The following KPNA1 variants were observed in gnomAD, a reference collection of about 807,000 sequenced individuals.
The protein encoded by KPNA1 is karyopherin subunit alpha 1, also known as importin subunit alpha-5.
KPNA1 carries 10 observed loss-of-function variants against 70.5 expected under a neutral mutation model. That is an observed-to-expected ratio of 0.14 (90% confidence interval 0.09 to 0.24). The LOEUF is 0.24. KPNA1 is among the 10% of genes least tolerant of loss of function. The probability of loss-of-function intolerance (pLI) is 1.00; values close to 1 mark genes in which losing one functional copy is unlikely to be tolerated. For synonymous variants in KPNA1, 192 were observed against 221.9 expected, an observed-to-expected ratio of 0.87 and a Z score of 1.20; for missense variants, 397 against 637.9, an observed-to-expected ratio of 0.62 and a Z score of 4.07.
chr3:122,434,059 C>G (rs1023557017), intron 11 of KPNA1, among the ~76,000 whole-genome samples: 3 of 152,130 alleles, frequency 2.0e-5, no homozygotes, highest in African/African-American at 7.2e-5. Flanking sequence ...GCCTCAGCCT[C>G]CCGGGTAGCT....
At chr3:122,513,786 G>A (rs1334395075) in intron 1 of KPNA1, among the ~76,000 whole-genome samples, 1 of 152,120 alleles carries the variant, frequency 6.6e-6, no homozygotes, top group Non-Finnish European at 1.5e-5. Context: ...ACTCTGCAGA[G>A]CTGGGTGTGG....
At chr3:122,507,824 A>C (rs2076907886) in intron 1 of KPNA1, among the ~76,000 whole-genome samples, 2 of 152,126 alleles carry the variant, frequency 1.3e-5, no homozygotes, top group African/African-American at 4.8e-5. Context: ...GTAGTAAAAA[A>C]ATTTTTAATC....
intron 2 of KPNA1, among the ~76,000 whole-genome samples, chr3:122,469,613 T>C (rs954542657): frequency 2.0e-5 from 3 of 152,194 alleles, no homozygotes; most frequent in African/African-American, 7.2e-5. Flanking sequence ...CTGCATCTTG[T>C]TATTGGGCCA....
In KPNA1 at chr3:122,492,161, G is replaced by A. The variant is rs566266629; in HGVS notation, c.129+4276C>T. Among the ~76,000 whole-genome samples, 39 of 152,206 alleles carry A rather than the reference G, an allele frequency of 2.6e-4. 1 individual carries two copies. The highest frequency in any genetic ancestry group is 8.7e-4 in the African/African-American group (36 of 41,526). On this transcript the variant is annotated intron_variant, in intron 2 of 13. Coordinates refer to ENST00000344337, the MANE Select transcript of KPNA1 (RefSeq NM_002264.4). Reference sequence around the variant, plus strand: ...AGGCGTGAGCCACCGTGCCCGGCCCGACCATCACATTTTAACTATGCTTTC... The same window carrying A: ...AGGCGTGAGCCACCGTGCCCGGCCCAACCATCACATTTTAACTATGCTTTC...
At chr3:122,507,736 T>C (rs2076906541) in intron 1 of KPNA1, among the ~76,000 whole-genome samples, 1 of 151,892 alleles carries the variant, frequency 6.6e-6, no homozygotes, top group Admixed American at 6.6e-5. Context: ...TATCTAAAAG[T>C]TGAATGATTT....
intron 10 of KPNA1, among the ~76,000 whole-genome samples, chr3:122,441,398 GA>G (rs2076060213): frequency 1.3e-5 from 2 of 152,132 alleles, no homozygotes; most frequent in South Asian, 4.2e-4. Flanking sequence ...AGCTATCAGA[GA>G]AGGTGATATT....
chr3:122,462,286 A>G (rs932987451), intron 4 of KPNA1, among the ~76,000 whole-genome samples: 5 of 152,354 alleles, frequency 3.3e-5, no homozygotes, highest in African/African-American at 1.2e-4. Flanking sequence ...GCAATTTTTA[A>G]AAATCTACAT....
intron 12 of KPNA1, among the ~76,000 whole-genome samples, chr3:122,429,048 C>A (rs1328197588): frequency 1.3e-5 from 2 of 152,086 alleles, no homozygotes; most frequent in African/African-American, 4.8e-5. Flanking sequence ...TCCAAATATG[C>A]CAGGCTGATC....
At chr3:122,459,260 C>T (rs777287077) in intron 5 of KPNA1, among the ~76,000 whole-genome samples, 3 of 152,092 alleles carry the variant, frequency 2.0e-5, no homozygotes, top group South Asian at 2.1e-4. Context: ...TCCATTTCTC[C>T]GACTTTTTTC....
intron 1 of KPNA1, among the ~76,000 whole-genome samples, chr3:122,503,796 T>G (rs1260685200): frequency 1.3e-5 from 2 of 152,186 alleles, no homozygotes; most frequent in African/African-American, 4.8e-5. Context: ...TGATGGTGTG[T>G]ATTACCCCTT....
chr3:122,452,733 C>T (rs552451073), intron 6 of KPNA1, among the ~76,000 whole-genome samples: 8 of 104,292 alleles, frequency 7.7e-5, no homozygotes, highest in Admixed American at 2.9e-4. Flanking sequence ...GAAGGAGAGA[C>T]GGAGGGAAGG....
chr3:122,450,273 A>C (rs535881040), intron 8 of KPNA1, among the ~76,000 whole-genome samples: 1 of 152,330 alleles, frequency 6.6e-6, no homozygotes, highest in African/African-American at 2.4e-5. Flanking sequence ...AGATATACAA[A>C]TAGCCAACAA....
intron 2 of KPNA1, among the ~76,000 whole-genome samples, chr3:122,484,712 CATAA>C (rs2076610052): frequency 6.6e-6 from 1 of 151,800 alleles, no homozygotes; most frequent in African/African-American, 2.4e-5. Context: ...AGAAAGATGA[CATAA>C]ATAAATGAAG....
At chr3:122,464,412 C>T (rs1264145388) in intron 3 of KPNA1, among the ~76,000 whole-genome samples, 1 of 152,180 alleles carries the variant, frequency 6.6e-6, no homozygotes, top group Non-Finnish European at 1.5e-5. Context: ...TTATCTCTAT[C>T]ACAGCACCAT....
intron 5 of KPNA1, chr3:122,459,856 G>C (rs1032339369): frequency 5.1e-6 from 5 of 985,468 alleles, no homozygotes; most frequent in Non-Finnish European, 4.8e-6. Context: ...GAAGGGATAG[G>C]AGGAAAGGAG....
At chr3:122,499,589 C>T (rs1417480614) in intron 1 of KPNA1, among the ~76,000 whole-genome samples, 1 of 151,716 alleles carries the variant, frequency 6.6e-6, no homozygotes, top group African/African-American at 2.4e-5. Flanking sequence ...TCCATCTCTA[C>T]AAAAAATTTA....
chr3:122,444,512 G>T (rs1172123608), intron 9 of KPNA1, among the ~76,000 whole-genome samples: 1 of 152,128 alleles, frequency 6.6e-6, no homozygotes, highest in Non-Finnish European at 1.5e-5. Flanking sequence ...ATTAATTTGG[G>T]GAACTAATAA....
At chr3:122,459,275 T>C (rs1468508505) in intron 5 of KPNA1, among the ~76,000 whole-genome samples, 2 of 152,272 alleles carry the variant, frequency 1.3e-5, no homozygotes, top group Non-Finnish European at 1.5e-5. Flanking sequence ...TTTTTCATTT[T>C]AGATCTGAAA....
Position 122,427,554 on chromosome 3 carries a change from C to T in KPNA1, c.1413G>A (p.Leu471=), listed in dbSNP as rs1260782685. ...GCATCTTACCATAAGCTTCTTCAAT[C>T]AAAGCACAGTAAGGGTTAATGCCAG... The part of the protein sequence containing the change: ...NGTGINPYCA[L]IEEAYGLDKI... The change falls in exon 13 of 14, where the codon TTG becomes TTA. Residue 471 remains leucine, a synonymous_variant. Coordinates refer to ENST00000344337, the MANE Select transcript of KPNA1 (RefSeq NM_002264.4). The T allele has an allele frequency of 1.9e-6, 3 of 1,611,812 alleles. No homozygotes were observed. Among genetic ancestry groups the T allele is most frequent in the Admixed American group, 1.7e-5 (1 of 59,390 alleles).
Sources: gnomAD v4.1 joint callset for allele counts (sites outside exome capture counted in the v4.1 genomes callset) on GRCh38, gnomAD v4.1.1 for gene constraint, MANE v1.5 for transcripts, NCBI Gene and HGNC (gene_info 2026-07-23, HGNC 2026-07-21) for gene names.